Variants in USP9X observed in about 807,000 individuals in gnomAD.
USP9X encodes ubiquitin carboxyl-terminal hydrolase 9X.
USP9X carries 7 observed loss-of-function variants against 190.3 expected under a neutral mutation model. The observed-to-expected ratio is 0.04, with a 90% CI of 0.02 to 0.07. The LOEUF (loss-of-function observed/expected upper bound fraction) is 0.07, where lower values mean the gene tolerates loss of function less well. USP9X is among the 10% of genes least tolerant of loss of function. The pLI is 1.00. For missense variants in USP9X, 1,010 were observed against 1,916.9 expected (o/e 0.53, Z 8.83); for synonymous variants, 645 against 659.5 (o/e 0.98, Z 0.34).
At chrX:41,206,296 TTA>T (rs1397873540) in intron 32 of USP9X, among the ~76,000 whole-genome samples, 4 of 112,187 alleles carry the variant, frequency 3.6e-5, no homozygotes, top group African/African-American at 1.3e-4. Context: ...CATGATACCA[TTA>T]TGTTTTTTTA....
rs769952292 is a variant in USP9X, at chrX:41,181,272, CT to C, written c.3149-2705del. On this transcript the variant is annotated intron_variant, in intron 21 of 44. Transcript: ENST00000378308. ...ATAGCTTAAATGCTATTTCTCATTT[CT>C]TTTTTTTTTTTTTTTTTTTTAAAGA... Among the ~76,000 whole-genome samples the C allele has an allele frequency of 8.2e-3, 615 of 75,401 alleles. 6 individuals carry two copies. Among genetic ancestry groups the C allele is most frequent in the African/African-American group, 0.025 (520 of 20,471 alleles). 65.5% of individuals were successfully genotyped at this position (75,401 alleles called of 115,157 possible).
chrX:41,232,761 G>T lies in USP9X; in HGVS notation c.*237G>T. ...TGATGCTAATGTGTAAATGGCAAAGGTGTATATAGTATATTAATGTTGACT... is the reference window on the plus strand; with the variant it reads ...TGATGCTAATGTGTAAATGGCAAAGTTGTATATAGTATATTAATGTTGACT... On this transcript the variant is annotated 3_prime_UTR_variant, in exon 45 of 45. Transcript: ENST00000378308. 3.6e-6 allele frequency: 1 copy of T among 274,009 alleles called. No individual in the cohort carries two copies. The highest frequency in any genetic ancestry group is 1.1e-4 in the South Asian group (1 of 9,459). 22.6% of individuals were successfully genotyped at this position (274,009 alleles called of 1,213,427 possible). A position where few individuals can be genotyped will look rare whatever the true frequency, so the allele number is the denominator to read the frequency against.
Position 41,201,157 on chromosome X carries a change from C to T in USP9X, c.4701C>T (p.Tyr1567=). 8.3e-7 allele frequency: 1 copy of T among 1,211,811 alleles called. No homozygotes were observed. Among genetic ancestry groups the T allele is most frequent in the Non-Finnish European group, 1.1e-6 (1 of 895,512 alleles). ...TGAAAAATGCCGGTGCTACTTGTTA[C>T]ATGAATTCTGTGATTCAGCAACTCT... ...VGLKNAGATC[Y]MNSVIQQLYM... is the part of the protein sequence containing the mutation. The change falls in exon 31 of 45, where the codon TAC becomes TAT. Residue 1567 remains tyrosine, a synonymous_variant. Transcript: ENST00000378308.
chrX:41,101,375 C>T (rs1019479167), intron 1 of USP9X, among the ~76,000 whole-genome samples: 1 of 107,642 alleles, frequency 9.3e-6, no homozygotes, highest in Non-Finnish European at 1.9e-5. Flanking sequence ...GTCAGGAGTT[C>T]GAGAGCAGCC....
chrX:41,123,024 A>G (rs1393703516), intron 1 of USP9X, among the ~76,000 whole-genome samples: 1 of 111,223 alleles, frequency 9.0e-6, no homozygotes, highest in African/African-American at 3.3e-5. Context: ...GTGGCAGGCC[A>G]AAAGGGAACA....
chrX:41,101,001 T>G (rs1022660669), intron 1 of USP9X, among the ~76,000 whole-genome samples: 6 of 111,660 alleles, frequency 5.4e-5, no homozygotes, highest in Non-Finnish European at 1.1e-4. Context: ...ATATGTGATA[T>G]TCTATCAAAA....
chrX:41,132,998 T>C (rs919799718), intron 4 of USP9X, among the ~76,000 whole-genome samples: 1 of 111,982 alleles, frequency 8.9e-6, no homozygotes, highest in Non-Finnish European at 1.9e-5. Flanking sequence ...TTTTAAGATA[T>C]TGCAGATTAA....
intron 1 of USP9X, among the ~76,000 whole-genome samples, chrX:41,093,172 A>G (rs1312661463): frequency 9.0e-6 from 1 of 111,402 alleles, no homozygotes; most frequent in Non-Finnish European, 1.9e-5. Context: ...TTGACCTCCT[A>G]TTTGATACAC....
intron 35 of USP9X, 92 bp from the exon 36 acceptor site, chrX:41,217,128 T>A (rs999485149): frequency 3.0e-6 from 3 of 1,014,859 alleles, no homozygotes; most frequent in Non-Finnish European, 4.0e-6. Context: ...TTAACAAATT[T>A]AGGACTTCTC....
At chrX:41,212,840 T>C (rs966316992) in intron 33 of USP9X, among the ~76,000 whole-genome samples, 1 of 112,016 alleles carries the variant, frequency 8.9e-6, no homozygotes, top group African/African-American at 3.2e-5. Context: ...TAGCAAGTTA[T>C]AGTCTTACCA....
At chrX:41,094,901 ATGG>A (rs2146919228) in intron 1 of USP9X, among the ~76,000 whole-genome samples, 1 of 109,617 alleles carries the variant, frequency 9.1e-6, no homozygotes, top group African/African-American at 3.3e-5. Context: ...TTAGCCAGGC[ATGG>A]TGGTGTGCAC....
chrX:41,177,036 A>T (rs989797809), intron 21 of USP9X, among the ~76,000 whole-genome samples: 8 of 112,475 alleles, frequency 7.1e-5, no homozygotes. Context: ...TGCCGTAGTG[A>T]TGGCAAAAGT....
chrX:41,180,065 A>G (rs896138632), intron 21 of USP9X, among the ~76,000 whole-genome samples: 1 of 111,503 alleles, frequency 9.0e-6, no homozygotes, highest in African/African-American at 3.3e-5. Flanking sequence ...GCAGTACACC[A>G]TATTTAGTTG....
intron 43 of USP9X, among the ~76,000 whole-genome samples, chrX:41,230,182 CAA>C (rs1339241820): frequency 9.0e-6 from 1 of 111,376 alleles, no homozygotes; most frequent in Non-Finnish European, 1.9e-5. Context: ...GCTTGGGTGA[CAA>C]GAGTGAAACT....
rs143471890 is a variant in USP9X at position 41,198,790 on chromosome X, A to G, written c.4603+40A>G. The G allele has an allele frequency of 8.3e-4, 903 of 1,092,487 alleles. 1 individual carries two copies. In the African/African-American group the frequency reaches 8.7e-3, roughly 10 times the overall value. The allele number at this position is 1,092,487 out of a possible 1,213,427, so 90.0% of individuals were successfully genotyped here. A position where few individuals can be genotyped will look rare whatever the true frequency, so the allele number is the denominator to read the frequency against. The stretch of plus-strand genomic sequence containing the variant: ...TAGAATGTGATAATTGATCATTTCA[A>G]TGTTTCAAAGTTGTTTTCCTGTTTT... On this transcript the variant is annotated intron_variant, in intron 30 of 44. Transcript: ENST00000378308.
At chrX:41,196,911 T>C (rs1408123087) in intron 28 of USP9X, among the ~76,000 whole-genome samples, 173 bp downstream of exon 28, 1 of 112,435 alleles carries the variant, frequency 8.9e-6, no homozygotes, top group Non-Finnish European at 1.9e-5. Context: ...ATTCACAAAA[T>C]GCATATCTAG....
At chrX:41,230,065 G>T (rs1761631075) in intron 43 of USP9X, among the ~76,000 whole-genome samples, 1 of 111,352 alleles carries the variant, frequency 9.0e-6, no homozygotes, top group Admixed American at 9.6e-5. Flanking sequence ...GTCGGGCGTG[G>T]TGGCAGGCGC....
intron 1 of USP9X, among the ~76,000 whole-genome samples, chrX:41,120,531 T>A (rs1271367919): frequency 9.0e-6 from 1 of 111,570 alleles, no homozygotes; most frequent in African/African-American, 3.3e-5. Context: ...AGAGTCTCGC[T>A]CTGTTGCCCA....
intron 1 of USP9X, among the ~76,000 whole-genome samples, chrX:41,102,354 A>T (rs1409202906): frequency 8.9e-6 from 1 of 111,866 alleles, no homozygotes; most frequent in African/African-American, 3.3e-5. Context: ...GCAGTGGCTC[A>T]TGCCTGTAAT....
Sources: gnomAD v4.1 joint callset for allele counts (sites outside exome capture counted in the v4.1 genomes callset) on GRCh38, gnomAD v4.1.1 for gene constraint, MANE v1.5 for transcripts, NCBI Gene and HGNC (gene_info 2026-07-23, HGNC 2026-07-21) for gene names.